CCDC152: variants seen among roughly 807,000 people sequenced by gnomAD.
CCDC152 encodes the protein coiled-coil domain-containing protein 152.
Under a neutral mutation model 38.1 loss-of-function variants are expected in CCDC152, and 37 were observed. That is an observed-to-expected ratio of 0.97 (90% CI 0.75 to 1.28). The LOEUF is 1.28. Ranked by LOEUF, CCDC152 falls within the 50% of genes most tolerant of loss-of-function variation. CCDC152 has a pLI of 0.00. For missense variants in CCDC152, 259 were observed against 292.1 expected, an observed-to-expected ratio of 0.89 and a Z score of 0.83; for synonymous variants, 83 against 87.1, an observed-to-expected ratio of 0.95 and a Z score of 0.26.
At chr5:42,791,638 G>A (rs1383792344) in intron 6 of CCDC152, among the ~76,000 whole-genome samples, 1 of 152,040 alleles carries the variant, frequency 6.6e-6, no homozygotes, top group Admixed American at 6.6e-5. Flanking sequence ...TTTACTATCT[G>A]TCAGGCAGCT....
chr5:42,778,762 C>T (rs964368389), intron 4 of CCDC152, among the ~76,000 whole-genome samples: 1 of 152,056 alleles, frequency 6.6e-6, no homozygotes, highest in Non-Finnish European at 1.5e-5. Context: ...ATCTCCATTC[C>T]TCTAGGGTCA....
At chr5:42,792,207 A>G (rs1760013190) in intron 6 of CCDC152, among the ~76,000 whole-genome samples, 1 of 152,194 alleles carries the variant, frequency 6.6e-6, no homozygotes, top group Non-Finnish European at 1.5e-5. Flanking sequence ...TTATCATAGT[A>G]GAACTGCTTT....
chr5:42,764,312 A>G (rs1163762420), intron 3 of CCDC152, among the ~76,000 whole-genome samples: 1 of 152,166 alleles, frequency 6.6e-6, no homozygotes, highest in Non-Finnish European at 1.5e-5. Flanking sequence ...CGGGAGATTG[A>G]GGGAGGAGAC....
intron 4 of CCDC152, among the ~76,000 whole-genome samples, chr5:42,770,880 T>C (rs1379558478): frequency 6.6e-6 from 1 of 152,202 alleles, no homozygotes; most frequent in African/African-American, 2.4e-5. Context: ...TAAGTATTTT[T>C]ATTGCCATTA....
chr5:42,779,419 T>G, intron 4 of CCDC152, 39 bp from the exon 5 acceptor site: 1 of 1,131,364 alleles, frequency 8.8e-7, no homozygotes, highest in Non-Finnish European at 1.3e-6. Context: ...AATTGAAAAG[T>G]GCTATATATT....
chr5:42,757,883 A>T (rs1200930357), intron 1 of CCDC152, among the ~76,000 whole-genome samples: 1 of 152,158 alleles, frequency 6.6e-6, no homozygotes, highest in Non-Finnish European at 1.5e-5. Flanking sequence ...TAGGTACCAA[A>T]AAAAAAAGGT....
At chr5:42,770,120 A>T (rs1759677629) in intron 4 of CCDC152, among the ~76,000 whole-genome samples, 1 of 152,220 alleles carries the variant, frequency 6.6e-6, no homozygotes, top group African/African-American at 2.4e-5. Flanking sequence ...TATCTGTAAC[A>T]ATCATGTTAA....
At chr5:42,797,020 GT>G (rs1760085526) in intron 7 of CCDC152, 64 bp downstream of exon 7, 5 of 1,224,746 alleles carry the variant, frequency 4.1e-6, no homozygotes, top group Non-Finnish European at 5.5e-6. Flanking sequence ...TACTTTGATT[GT>G]TTTTCATCAC....
chr5:42,801,652 C>A lies in CCDC152; in HGVS notation c.*1871C>A. 1 of 352,338 alleles carries A rather than the reference C, an allele frequency of 2.8e-6. No homozygotes were observed. Among genetic ancestry groups the A allele is most frequent in the Non-Finnish European group, 5.0e-6 (1 of 198,048 alleles). 21.8% of individuals were successfully genotyped at this position (352,338 alleles called of 1,614,324 possible). A position where few individuals can be genotyped will look rare whatever the true frequency, so the allele number is the denominator to read the frequency against. ...TTGATCTGGGCCGAGCATGGTGGCTCATGCCTGTAATCCCACCACTTTGGG... is the reference window on the plus strand; with the variant it reads ...TTGATCTGGGCCGAGCATGGTGGCTAATGCCTGTAATCCCACCACTTTGGG... On this transcript the variant is annotated 3_prime_UTR_variant, in exon 9 of 9. Coordinates refer to ENST00000361970, the MANE Select transcript of CCDC152 (RefSeq NM_001134848.2).
At position 42,783,563 on chromosome 5, in the gene CCDC152, C is replaced by A; in HGVS notation, c.417C>A (p.Asp139Glu). The change falls in exon 6 of 9, where the codon GAC (aspartate) becomes GAA (glutamate). Residue 139 changes from aspartate to glutamate, a missense_variant. Physicochemically the swap from Asp to Glu is conservative, Grantham distance 45. Coordinates refer to ENST00000361970, the MANE Select transcript of CCDC152 (RefSeq NM_001134848.2). ...AAGAAATAAGCAAACTTTATCAGGA[C>A]ATGCAGAGAAAAGGTAAGTTTAAAA... is the stretch of plus-strand genomic sequence containing the variant. ...YKKEISKLYQ[D>E]MQRKVELNEE... 1 of 1,367,444 alleles carries A rather than the reference C, an allele frequency of 7.3e-7. No homozygotes were observed. The highest frequency in any genetic ancestry group is 9.5e-7 in the Non-Finnish European group (1 of 1,049,982). The allele number at this position is 1,367,444 out of a possible 1,614,324, so 84.7% of individuals were successfully genotyped here.
chr5:42,779,477 A>G lies in CCDC152; in HGVS notation c.282A>G (p.Lys94=). ...ACACAGGTGAAAATGAACAACTAAAAATAAGTGCTGATCTTATAAAAGAGA... is the reference window on the plus strand; with the variant it reads ...ACACAGGTGAAAATGAACAACTAAAGATAAGTGCTGATCTTATAAAAGAGA... ...QNLKGENEQL[K]ISADLIKEKL... The change falls in exon 5 of 9, where the codon AAA becomes AAG. Residue 94 remains lysine (K), a synonymous_variant. Coordinates refer to ENST00000361970, the MANE Select transcript of CCDC152 (RefSeq NM_001134848.2). The G allele has an allele frequency of 6.6e-7, 1 of 1,514,954 alleles. No individual in the cohort carries two copies. The highest frequency in any genetic ancestry group is 2.0e-5 in the Admixed American group (1 of 50,704). 93.8% of individuals were successfully genotyped at this position (1,514,954 alleles called of 1,614,324 possible).
intron 6 of CCDC152, 108 bp downstream of exon 6, chr5:42,783,684 C>A: frequency 2.7e-6 from 1 of 369,430 alleles, no homozygotes; most frequent in Non-Finnish European, 4.4e-6. Flanking sequence ...TTCTAGTGAA[C>A]TCATCAATTA....
At chr5:42,759,721 A>T (rs1049946824) in intron 2 of CCDC152, among the ~76,000 whole-genome samples, 1 of 152,212 alleles carries the variant, frequency 6.6e-6, no homozygotes, top group African/African-American at 2.4e-5. Context: ...GTCACTTGGT[A>T]GCCACCTCGG....
At chr5:42,766,167 T>C (rs1759622018) in intron 3 of CCDC152, among the ~76,000 whole-genome samples, 1 of 152,132 alleles carries the variant, frequency 6.6e-6, no homozygotes, top group Non-Finnish European at 1.5e-5. Flanking sequence ...GAAAAGGTGC[T>C]CAACATCATT....
chr5:42,784,822 A>G (rs2111573452), intron 6 of CCDC152, among the ~76,000 whole-genome samples: 1 of 152,220 alleles, frequency 6.6e-6, no homozygotes, highest in East Asian at 1.9e-4. Context: ...TCATATGGCT[A>G]ACCAGTTTTC....
chr5:42,766,833 C>T (rs1221297090), intron 3 of CCDC152, among the ~76,000 whole-genome samples: 2 of 149,878 alleles, frequency 1.3e-5, no homozygotes, highest in East Asian at 3.9e-4. Context: ...ATGAATAAGA[C>T]CTACTATTCG....
chr5:42,785,488 G>A (rs2111574880), intron 6 of CCDC152, among the ~76,000 whole-genome samples: 1 of 151,682 alleles, frequency 6.6e-6, no homozygotes, highest in South Asian at 2.1e-4. Context: ...CAGGTCTAGG[G>A]GGAATCTTTA....
At chr5:42,763,545 C>G (rs1759584822) in intron 3 of CCDC152, among the ~76,000 whole-genome samples, 1 of 152,110 alleles carries the variant, frequency 6.6e-6, no homozygotes, top group African/African-American at 2.4e-5. Flanking sequence ...CAAATACTAC[C>G]TCAGCAGAAG....
At chr5:42,772,289 T>C (rs566439411) in intron 4 of CCDC152, among the ~76,000 whole-genome samples, 62 of 152,344 alleles carry the variant, frequency 4.1e-4, no homozygotes, top group Middle Eastern at 6.8e-3. Flanking sequence ...TGGAAGGATC[T>C]TGCCTTAACA....
Sources: gnomAD v4.1 joint callset for allele counts (sites outside exome capture counted in the v4.1 genomes callset) on GRCh38, gnomAD v4.1.1 for gene constraint, MANE v1.5 for transcripts, NCBI Gene and HGNC (gene_info 2026-07-23, HGNC 2026-07-21) for gene names.